The following RTL1 variants were observed in gnomAD, a reference collection of about 807,000 sequenced individuals.
RTL1 encodes the protein retrotransposon-like protein 1.
For missense variants in RTL1, 1,681 were observed against 1,767.5 expected, an observed-to-expected ratio of 0.95 and a Z score of 0.88; for synonymous variants, 727 against 748.4, an observed-to-expected ratio of 0.97 and a Z score of 0.47.
intron 3 of RTL1, among the ~76,000 whole-genome samples, chr14:100,892,034 G>A (rs777826233): frequency 4.5e-4 from 68 of 152,206 alleles, no homozygotes; most frequent in Admixed American, 4.1e-3. Context: ...TGGGGTCGTC[G>A]TATTATTTCA....
chr14:100,890,800 C>T (rs2038765400), intron 3 of RTL1, among the ~76,000 whole-genome samples: 1 of 152,182 alleles, frequency 6.6e-6, no homozygotes, highest in South Asian at 2.1e-4. Context: ...ATGAATACCC[C>T]CAGCAGCTCC....
chr14:100,893,785 A>T lies in RTL1; in HGVS notation c.-148-280T>A, dbSNP rs1026545658. On this transcript the variant is annotated intron_variant, in intron 2 of 3. Transcript: ENST00000649591. This position sits in a 1 kb window ranked among gnomAD's most constrained non-coding sequence, Gnocchi z 4.2. ...AAGCTGCGAGGGCCTTCCTTTTATTATCCCCATTTTTCAGAAGAGGAATCC... is the reference window on the plus strand; with the variant it reads ...AAGCTGCGAGGGCCTTCCTTTTATTTTCCCCATTTTTCAGAAGAGGAATCC... 7.9e-5 allele frequency among the ~76,000 whole-genome samples: 12 copies of T among 151,992 alleles called. No individual in the cohort carries two copies. The highest frequency in any genetic ancestry group is 2.7e-4 in the African/African-American group (11 of 41,370).
At chr14:100,900,428 C>T (rs1271658144) in intron 2 of RTL1, among the ~76,000 whole-genome samples, 1 of 152,230 alleles carries the variant, frequency 6.6e-6, no homozygotes, top group Non-Finnish European at 1.5e-5. Flanking sequence ...GATTTGTTTA[C>T]TCGGGAGCGT....
Position 100,893,169 on chromosome 14 carries a change from A to G in RTL1, c.-87+275T>C, listed in dbSNP as rs1443546298. Reference sequence around the variant, plus strand: ...CTCAGTGTCTGCCTCCATCTCCCCCAAAGGTGCTTGCTGTCATTCCCAACT... The same window carrying G: ...CTCAGTGTCTGCCTCCATCTCCCCCGAAGGTGCTTGCTGTCATTCCCAACT... On this transcript the variant is annotated intron_variant, in intron 3 of 3. Transcript: ENST00000649591. The surrounding 1 kb of genome is among the most constrained non-coding windows in gnomAD (Gnocchi z 4.2). Among the ~76,000 whole-genome samples the G allele has an allele frequency of 6.6e-6, 1 of 152,136 alleles. No individual in the cohort carries two copies. The highest frequency in any genetic ancestry group is 1.5e-5 in the Non-Finnish European group (1 of 68,024).
chr14:100,896,744 C>T (rs866912234), intron 2 of RTL1, among the ~76,000 whole-genome samples: 2 of 152,190 alleles, frequency 1.3e-5, no homozygotes, highest in South Asian at 4.2e-4. Context: ...GGGTTAGAGT[C>T]GGGAAGAAAC....
chr14:100,899,201 G>A (rs11160613), intron 2 of RTL1: 38,171 of 152,292 alleles, frequency 0.25, 6,138 homozygotes, highest in East Asian at 0.66. Flanking sequence ...GCCTTGTGCC[G>A]GGCCCCAGAA....
chr14:100,900,755 C>G (rs909546138), intron 2 of RTL1, among the ~76,000 whole-genome samples: 1 of 152,216 alleles, frequency 6.6e-6, no homozygotes, highest in African/African-American at 2.4e-5. Flanking sequence ...CCAGAAATCC[C>G]TGTTCACAGA....
chr14:100,901,420 C>T (rs183988181), intron 2 of RTL1, among the ~76,000 whole-genome samples: 1 of 152,368 alleles, frequency 6.6e-6, no homozygotes, highest in African/African-American at 2.4e-5. Flanking sequence ...AAAGGTCCCA[C>T]AGTTCCTGGG....
Position 100,883,911 on chromosome 14 carries a change from G to T in RTL1, c.878C>A (p.Thr293Asn). ...ALRVAEEAMF[T>N]IRQGGRSATE... ...GGCAGAGCGGCCGCCCTGCCTGATG[G>T]TGAACATGGCCTCTTCTGCCACACG... The change falls in exon 4 of 4, where the codon ACC becomes AAC. Residue 293 changes from threonine (T) to asparagine (N), a missense_variant. By Grantham distance (65) the Thr-to-Asn change is moderately conservative (BLOSUM62 0). Coordinates refer to ENST00000649591, the MANE Select transcript of RTL1 (RefSeq NM_001134888.3). This position sits in a 1 kb window ranked among gnomAD's most constrained non-coding sequence, Gnocchi z 5.9. 1.3e-6 allele frequency: 2 copies of T among 1,551,596 alleles called. No homozygotes were observed. Among genetic ancestry groups the T allele is most frequent in the Non-Finnish European group, 1.7e-6 (2 of 1,146,988 alleles).
At position 100,886,918 on chromosome 14, in the gene RTL1, T is replaced by G. The variant is rs138560697; in HGVS notation, c.-86-2044A>C. Among the ~76,000 whole-genome samples the G allele has an allele frequency of 8.5e-5, 13 of 152,342 alleles. No individual in the cohort carries two copies. In the East Asian group the frequency reaches 2.3e-3, roughly 27 times the overall value. On this transcript the variant is annotated intron_variant, in intron 3 of 3. Coordinates refer to ENST00000649591, the MANE Select transcript of RTL1 (RefSeq NM_001134888.3). ...TACACTGCTTAACATATTTACAAAT[T>G]CGACCATGTGAATGATTAAATCCTT...
chr14:100,896,956 C>A (rs1030009752), intron 2 of RTL1, among the ~76,000 whole-genome samples: 1 of 152,110 alleles, frequency 6.6e-6, no homozygotes, highest in Non-Finnish European at 1.5e-5. Context: ...CCAAGAACAC[C>A]GGCCAGGGCA....
chr14:100,902,923 A>G (rs2038962562), intron 2 of RTL1, among the ~76,000 whole-genome samples: 1 of 152,186 alleles, frequency 6.6e-6, no homozygotes, highest in Admixed American at 6.5e-5. Context: ...TGGCCTTTCA[A>G]GACCCTGCTC....
Position 100,884,586 on chromosome 14 carries a change from T to C in RTL1, c.203A>G (p.Glu68Gly). 6.2e-7 allele frequency: 1 copy of C among 1,613,516 alleles called. No homozygotes were observed. Among genetic ancestry groups the C allele is most frequent in the Non-Finnish European group, 8.5e-7 (1 of 1,179,526 alleles). Residue 68 changes from glutamate (E) to glycine (G), a missense_variant, in exon 4 of 4, where the codon GAG becomes GGG. Coordinates refer to ENST00000649591, the MANE Select transcript of RTL1 (RefSeq NM_001134888.3). Reference protein sequence around the residue: ...PPSGPLQEMEELPTDLLQDME... With the variant: ...PPSGPLQEMEGLPTDLLQDME... The stretch of plus-strand genomic sequence containing the variant: ...GTCTTGGAGTAGATCAGTGGGCAGC[T>C]CTTCCATTTCCTGGAGTGGGCCACT...
At chr14:100,902,645 C>T (rs1416853065) in intron 2 of RTL1, among the ~76,000 whole-genome samples, 3 of 152,030 alleles carry the variant, frequency 2.0e-5, no homozygotes. Flanking sequence ...TAGGCAGCCA[C>T]AGCAGGGCTG....
At position 100,882,422 on chromosome 14, in the gene RTL1, C is replaced by A; in HGVS notation, c.2367G>T (p.Leu789=). 2 of 1,552,050 alleles carry A rather than the reference C, an allele frequency of 1.3e-6. No individual in the cohort carries two copies. The highest frequency in any genetic ancestry group is 1.4e-5 in the African/African-American group (1 of 73,160). The part of the protein sequence containing the change: ...GFVVTPKGVK[L]NKNVMTIITG... The stretch of plus-strand genomic sequence containing the variant: ...TTATGATGGTCATGACGTTCTTGTT[C>A]AGTTTCACCCCTTTGGGGGTGACGA... The change falls in exon 4 of 4, where the codon CTG becomes CTT. Residue 789 remains leucine, a synonymous_variant. Coordinates refer to ENST00000649591, the MANE Select transcript of RTL1 (RefSeq NM_001134888.3).
At chr14:100,890,156 A>T (rs1361733461) in intron 3 of RTL1, among the ~76,000 whole-genome samples, 1 of 147,858 alleles carries the variant, frequency 6.8e-6, no homozygotes, top group Non-Finnish European at 1.5e-5. Flanking sequence ...TTCGAATGGG[A>T]CCCTCTTCCC....
At position 100,882,596 on chromosome 14, in the gene RTL1, A is replaced by G. The variant is rs369989988; in HGVS notation, c.2193T>C (p.Tyr731=). The G allele has an allele frequency of 3.2e-6, 5 of 1,551,656 alleles. No individual in the cohort carries two copies. Among genetic ancestry groups the G allele is most frequent in the African/African-American group, 1.4e-5 (1 of 73,028 alleles). Residue 731 remains tyrosine, a synonymous_variant, in exon 4 of 4, where the codon TAT becomes TAC. Transcript: ENST00000649591. ...KDMLGFFVLS[Y]GQEVLIYSMS... ...TTGAGTAGATCAGGACTTCCTGGCCATAAGAAAGCACAAAGAACCCTAGCA... is the reference window on the plus strand; with the variant it reads ...TTGAGTAGATCAGGACTTCCTGGCCGTAAGAAAGCACAAAGAACCCTAGCA...
At position 100,882,952 on chromosome 14, in the gene RTL1, TGGAG is replaced by T; in HGVS notation, c.1833_1836del (p.Ser612ProfsTer28). On this transcript the variant is annotated frameshift_variant, in exon 4 of 4. Coordinates refer to ENST00000649591, the MANE Select transcript of RTL1 (RefSeq NM_001134888.3). LOFTEE classifies it low-confidence loss of function (END_TRUNC). ...GCACCCACAGGTTCCCAAGGCGCGG[TGGAG>T]GGACACTCGTAAAAGGTCTCGCTGT... The T allele has an allele frequency of 6.2e-7, 1 of 1,613,722 alleles. No individual in the cohort carries two copies. The highest frequency in any genetic ancestry group is 8.5e-7 in the Non-Finnish European group (1 of 1,179,908).
intron 2 of RTL1, among the ~76,000 whole-genome samples, chr14:100,895,232 A>G (rs1595343074): frequency 6.6e-6 from 1 of 152,110 alleles, no homozygotes; most frequent in Non-Finnish European, 1.5e-5. Context: ...GTGCGTGGGG[A>G]CATCTGGGAT....
Sources: gnomAD v4.1 joint callset for allele counts (sites outside exome capture counted in the v4.1 genomes callset) on GRCh38, gnomAD v4.1.1 for gene constraint, Gnocchi (gnomAD v3.1) non-coding constraint, MANE v1.5 for transcripts, NCBI Gene and HGNC (gene_info 2026-07-23, HGNC 2026-07-21) for gene names.